LSAMP: variants seen among roughly 807,000 people sequenced by gnomAD.
LSAMP encodes the protein limbic system associated membrane protein.
LSAMP carries 7 observed loss-of-function variants against 38.6 expected under a neutral mutation model. That is an observed-to-expected ratio of 0.18 (90% CI 0.10 to 0.34). The LOEUF (loss-of-function observed/expected upper bound fraction) is 0.34. Among genes scored for constraint, LSAMP ranks in the 10% least tolerant of loss-of-function variants. LSAMP has a pLI of 1.00. For synonymous variants in LSAMP, 154 were observed against 166.8 expected (o/e 0.92, Z 0.59); for missense variants, 313 against 420.0 (o/e 0.75, Z 2.23).
At chr3:115,902,060 C>A (rs1245617019) in intron 3 of LSAMP, among the ~76,000 whole-genome samples, 2 of 151,790 alleles carry the variant, frequency 1.3e-5, no homozygotes, top group African/African-American at 2.4e-5. Flanking sequence ...GTAAGAGGAA[C>A]AATAATAAAA....
intron 3 of LSAMP, among the ~76,000 whole-genome samples, chr3:116,006,338 G>A (rs540356452): frequency 1.3e-5 from 2 of 152,054 alleles, no homozygotes; most frequent in African/African-American, 4.8e-5. Flanking sequence ...AGCCCTCATC[G>A]GAACCTGAGC....
chr3:116,375,249 C>T (rs551768347), intron 1 of LSAMP, among the ~76,000 whole-genome samples: 26 of 151,938 alleles, frequency 1.7e-4, no homozygotes, highest in African/African-American at 2.7e-4. Context: ...CAGGGTTTCA[C>T]GCTGAACATT....
intron 1 of LSAMP, among the ~76,000 whole-genome samples, chr3:116,164,356 T>G (rs974064423): frequency 6.6e-6 from 1 of 151,562 alleles, no homozygotes. Context: ...GACTCCATCA[T>G]GTAAGAGTTG....
intron 1 of LSAMP, among the ~76,000 whole-genome samples, chr3:116,094,901 T>G (rs1708193395): frequency 6.6e-6 from 1 of 152,192 alleles, no homozygotes. Flanking sequence ...GCATAGTTCT[T>G]TAAATCAAAT....
At chr3:115,957,079 C>T (rs1324570667) in intron 3 of LSAMP, among the ~76,000 whole-genome samples, 1 of 152,156 alleles carries the variant, frequency 6.6e-6, no homozygotes, top group Admixed American at 6.5e-5. Flanking sequence ...ATTCTATCTC[C>T]ACTCCTCTTT....
intron 1 of LSAMP, among the ~76,000 whole-genome samples, chr3:116,195,107 C>T (rs1450744405): frequency 1.3e-5 from 2 of 152,158 alleles, no homozygotes; most frequent in Admixed American, 1.3e-4. Context: ...CTCCCTTTTC[C>T]TCTGCCTTGG....
rs920630195 is a variant in LSAMP at position 115,997,703 on chromosome 3, G to A, written c.514+21812C>T. ...GGGGTTTCTCAAGAGGGAAACTATT[G>A]ACATTTTGGGATATATATATATATA... is the stretch of plus-strand genomic sequence containing the variant. On this transcript the variant is annotated intron_variant, in intron 3 of 6. Transcript: ENST00000490035. 5.2e-5 allele frequency among the ~76,000 whole-genome samples: 6 copies of A among 115,328 alleles called. No individual in the cohort carries two copies. In the East Asian group the frequency reaches 1.1e-3, roughly 21 times the overall value. The allele number at this position is 115,328 out of a possible 152,430, so 75.7% of individuals were successfully genotyped here. A position where few individuals can be genotyped will look rare whatever the true frequency, so the allele number is the denominator to read the frequency against.
chr3:116,240,117 A>G (rs2046513839), intron 1 of LSAMP, among the ~76,000 whole-genome samples: 1 of 152,242 alleles, frequency 6.6e-6, no homozygotes, highest in Non-Finnish European at 1.5e-5. Context: ...TGATTATTAT[A>G]AGAAAGTACG....
At chr3:116,117,544 G>C (rs1708779426) in intron 1 of LSAMP, among the ~76,000 whole-genome samples, 1 of 151,992 alleles carries the variant, frequency 6.6e-6, no homozygotes, top group Admixed American at 6.6e-5. Flanking sequence ...TTTTACCTAA[G>C]GTCCTTTTTT....
At chr3:116,065,918 A>G (rs1004822136) in intron 2 of LSAMP, among the ~76,000 whole-genome samples, 3 of 152,198 alleles carry the variant, frequency 2.0e-5, no homozygotes, top group Non-Finnish European at 4.4e-5. Flanking sequence ...CCATTATTTT[A>G]TCTATACTAG....
At chr3:116,328,200 C>T (rs911993913) in intron 1 of LSAMP, among the ~76,000 whole-genome samples, 6 of 152,134 alleles carry the variant, frequency 3.9e-5, no homozygotes, top group East Asian at 1.9e-4. Flanking sequence ...AATAAAGCAA[C>T]GCAACGTCAA....
chr3:116,417,916 C>T (rs1177259911), intron 1 of LSAMP, among the ~76,000 whole-genome samples: 1 of 152,154 alleles, frequency 6.6e-6, no homozygotes. Flanking sequence ...AAAAGGCCTG[C>T]ACCCTTTTAC....
intron 1 of LSAMP, among the ~76,000 whole-genome samples, chr3:116,371,589 G>A (rs1024656897): frequency 2.6e-5 from 4 of 152,000 alleles, no homozygotes; most frequent in Non-Finnish European, 5.9e-5. Flanking sequence ...ATAATCAATG[G>A]TGAAAGACTG....
intron 1 of LSAMP, among the ~76,000 whole-genome samples, chr3:116,298,529 C>A (rs1444734113): frequency 1.3e-5 from 2 of 152,012 alleles, no homozygotes; most frequent in African/African-American, 4.8e-5. Flanking sequence ...GGATCTTGGA[C>A]AATATTGTTC....
intron 3 of LSAMP, among the ~76,000 whole-genome samples, chr3:115,998,792 G>A (rs1255855710): frequency 6.6e-6 from 1 of 152,028 alleles, no homozygotes; most frequent in Non-Finnish European, 1.5e-5. Context: ...GTCAGAACTG[G>A]AACCCAGTTC....
At chr3:115,912,672 T>C (rs889464128) in intron 3 of LSAMP, among the ~76,000 whole-genome samples, 66 of 152,228 alleles carry the variant, frequency 4.3e-4, no homozygotes, top group African/African-American at 1.6e-3. Flanking sequence ...TGTTTGTTTG[T>C]TTGTTTTCCC....
chr3:115,858,986 C>T (rs1379565630), intron 3 of LSAMP, among the ~76,000 whole-genome samples: 2 of 152,076 alleles, frequency 1.3e-5, no homozygotes, highest in Non-Finnish European at 2.9e-5. Flanking sequence ...TGCTTTCCTG[C>T]ACATCACGTT....
chr3:116,322,570 T>C (rs1422507156), intron 1 of LSAMP, among the ~76,000 whole-genome samples: 2 of 152,168 alleles, frequency 1.3e-5, no homozygotes, highest in Non-Finnish European at 2.9e-5. Context: ...GGAAGCATTT[T>C]GTTTACCCAG....
At chr3:116,395,723 G>A (rs957385415) in intron 1 of LSAMP, among the ~76,000 whole-genome samples, 11 of 152,102 alleles carry the variant, frequency 7.2e-5, no homozygotes, top group African/African-American at 2.7e-4. Flanking sequence ...CATGGAAGGG[G>A]AATATGTTTT....
Sources: gnomAD v4.1 joint callset for allele counts (sites outside exome capture counted in the v4.1 genomes callset) on GRCh38, gnomAD v4.1.1 for gene constraint, MANE v1.5 for transcripts, NCBI Gene and HGNC (gene_info 2026-07-23, HGNC 2026-07-21) for gene names.